AGAP1: variants seen among roughly 807,000 people sequenced by gnomAD.
AGAP1 encodes arf-GAP with GTPase, ANK repeat and PH domain-containing protein 1.
A neutral mutation model predicts 105.3 loss-of-function variants in AGAP1; 29 were observed. The ratio of observed to expected loss-of-function variants is 0.28; its 90% CI spans 0.21 to 0.38. The LOEUF (loss-of-function observed/expected upper bound fraction) is 0.38, where lower values mean the gene tolerates loss of function less well. Among genes scored for constraint, AGAP1 ranks in the 10% least tolerant of loss-of-function variants. AGAP1 has a pLI of 1.00. For synonymous variants in AGAP1, 509 were observed against 485.9 expected (o/e 1.05, Z -0.63); for missense variants, 998 against 1,165.1 (o/e 0.86, Z 2.09).
Position 235,661,473 on chromosome 2 carries a change from G to T in AGAP1, c.164-47706G>T, listed in dbSNP as rs529407644. On this transcript the variant is annotated intron_variant, in intron 1 of 17. Transcript: ENST00000304032. ...GGAGGCCATCCTACTGAGGGGATGG[G>T]GCAGTGATAGTTTCAAGGAATCCTA... Among the ~76,000 whole-genome samples, 13 of 151,526 alleles carry T rather than the reference G, an allele frequency of 8.6e-5. No homozygotes were observed. The South Asian group carries it at 2.5e-3, about 29-fold the overall frequency.
chr2:235,770,848 AT>A (rs774417640), intron 6 of AGAP1, among the ~76,000 whole-genome samples: 7 of 152,124 alleles, frequency 4.6e-5, no homozygotes, highest in Non-Finnish European at 7.4e-5. Context: ...GTCCCAAAAG[AT>A]ACTCAAGTTC....
rs1575669324 is a variant in AGAP1, at chr2:235,875,587, G to A, written c.1051-7758G>A. On this transcript the variant is annotated intron_variant, in intron 9 of 17. Coordinates refer to ENST00000304032, the MANE Select transcript of AGAP1 (RefSeq NM_001037131.3). The surrounding 1 kb of genome is among the most constrained non-coding windows in gnomAD (Gnocchi z 4.0). ...CGTGATTCCCAGCACGTTTCCTGAG[G>A]TTCCGCCTGCAGCCCGGGCCTGTGG... 6.6e-6 allele frequency among the ~76,000 whole-genome samples: 1 copy of A among 152,278 alleles called. No homozygotes were observed. Among genetic ancestry groups the A allele is most frequent in the Admixed American group, 6.5e-5 (1 of 15,296 alleles).
intron 1 of AGAP1, among the ~76,000 whole-genome samples, chr2:235,502,518 T>A (rs980567986): frequency 6.6e-6 from 1 of 152,136 alleles, no homozygotes; most frequent in Non-Finnish European, 1.5e-5. Context: ...GGTGTTTTTG[T>A]TTAACCAGGG....
chr2:235,919,850 C>T lies in AGAP1; in HGVS notation c.1325-10915C>T, dbSNP rs2052087704. ...CCGTCTTCACAATGCTTACACCCCT[C>T]ATCCTCGCTGTTGCATCAGCTTGTC... On this transcript the variant is annotated intron_variant, in intron 11 of 17. Transcript: ENST00000304032. This position sits in a 1 kb window ranked among gnomAD's most constrained non-coding sequence, Gnocchi z 4.1. 6.6e-6 allele frequency among the ~76,000 whole-genome samples: 1 copy of T among 152,218 alleles called. No homozygotes were observed.
intron 1 of AGAP1, among the ~76,000 whole-genome samples, chr2:235,654,674 C>G (rs1947716805): frequency 6.6e-6 from 1 of 152,144 alleles, no homozygotes; most frequent in South Asian, 2.1e-4. Flanking sequence ...GTCCCCCCGG[C>G]CACTTCTAAA....
At chr2:235,810,964 G>T (rs1242345342) in intron 9 of AGAP1, among the ~76,000 whole-genome samples, 1 of 151,696 alleles carries the variant, frequency 6.6e-6, no homozygotes, top group Non-Finnish European at 1.5e-5. Context: ...TTGCTGTGGA[G>T]AGTTGTACAT....
In AGAP1 at chr2:235,951,924, C is replaced by G. The variant is rs549622645; in HGVS notation, c.1484-16538C>G. 6.4e-4 allele frequency among the ~76,000 whole-genome samples: 95 copies of G among 147,308 alleles called. No individual in the cohort carries two copies. Among genetic ancestry groups the G allele is most frequent in the Non-Finnish European group, 1.0e-3 (70 of 68,018 alleles). ...GAAACAAATGGTCCACCCTGATCTA[C>G]TCATTTACCATCTGGTTTGGGGAAC... is the stretch of plus-strand genomic sequence containing the variant. On this transcript the variant is annotated intron_variant, in intron 12 of 17. Transcript: ENST00000304032. This position sits in a 1 kb window ranked among gnomAD's most constrained non-coding sequence, Gnocchi z 4.2.
At chr2:235,770,285 ACC>A (rs61439264) in intron 6 of AGAP1, among the ~76,000 whole-genome samples, 38,396 of 151,586 alleles carry the variant, frequency 0.25, 5,225 homozygotes, top group Admixed American at 0.4. Context: ...GACGCACGCC[ACC>A]CCACGCCTGG....
At chr2:235,969,545 TTC>T (rs2054554286) in intron 13 of AGAP1, among the ~76,000 whole-genome samples, 5 of 152,170 alleles carry the variant, frequency 3.3e-5, no homozygotes, top group African/African-American at 1.2e-4. Flanking sequence ...CTTCCATCCT[TTC>T]TCTTTCTCTA....
At chr2:235,815,145 G>T (rs891098473) in intron 9 of AGAP1, among the ~76,000 whole-genome samples, 2 of 152,160 alleles carry the variant, frequency 1.3e-5, no homozygotes, top group Non-Finnish European at 2.9e-5. Flanking sequence ...GGCTTGGGGA[G>T]ACAGTGGGGC....
rs2051206826 is a variant in AGAP1 at position 235,904,446 on chromosome 2, T to G, written c.1156-4292T>G. Among the ~76,000 whole-genome samples, 2 of 152,286 alleles carry G rather than the reference T, an allele frequency of 1.3e-5. No individual in the cohort carries two copies. The highest frequency in any genetic ancestry group is 3.4e-3 in the Middle Eastern group (1 of 294). ...CTGTTGAGGGGCAGGAGATGGCACC[T>G]CTGGGGGGCCTGGCTCTTGAGTGGG... On this transcript the variant is annotated intron_variant, in intron 10 of 17. Transcript: ENST00000304032. This position sits in a 1 kb window ranked among gnomAD's most constrained non-coding sequence, Gnocchi z 4.2.
chr2:235,710,565 C>A (rs1227545377), intron 2 of AGAP1, among the ~76,000 whole-genome samples: 1 of 152,210 alleles, frequency 6.6e-6, no homozygotes, highest in Admixed American at 6.5e-5. Context: ...GGAGACAAAG[C>A]GTCTCTCAGT....
chr2:235,765,950 C>T (rs774376402), intron 6 of AGAP1, among the ~76,000 whole-genome samples: 1 of 152,176 alleles, frequency 6.6e-6, no homozygotes, highest in Non-Finnish European at 1.5e-5. Context: ...AGAGACCCCA[C>T]CTAGCTCGAC....
rs1410116316 is a variant in AGAP1, at chr2:235,744,953, C to T, written c.538+114C>T. Reference sequence around the variant, plus strand: ...AAGGAAAAATTGCCTACTGAACGCTCACTTTTTTGGGAAAAATTATGGAAC... The same window carrying T: ...AAGGAAAAATTGCCTACTGAACGCTTACTTTTTTGGGAAAAATTATGGAAC... On this transcript the variant is annotated intron_variant, in intron 5 of 17. Transcript: ENST00000304032. The surrounding 1 kb of genome is among the most constrained non-coding windows in gnomAD (Gnocchi z 5.2). 4.7e-6 allele frequency: 6 copies of T among 1,281,786 alleles called. No individual in the cohort carries two copies. The African/African-American group carries it at 9.0e-5, about 19-fold the overall frequency. The allele number at this position is 1,281,786 out of a possible 1,614,324, so 79.4% of individuals were successfully genotyped here. A position where few individuals can be genotyped will look rare whatever the true frequency, so the allele number is the denominator to read the frequency against.
Position 236,129,171 on chromosome 2 carries a change from T to G in AGAP1, c.*5049T>G, listed in dbSNP as rs1483789890. 6.6e-6 allele frequency: 1 copy of G among 152,228 alleles called. No individual in the cohort carries two copies. Among genetic ancestry groups the G allele is most frequent in the East Asian group, 1.9e-4 (1 of 5,176 alleles). The allele number at this position is 152,228 out of a possible 1,614,324, so 9.4% of individuals were successfully genotyped here. A position where few individuals can be genotyped will look rare whatever the true frequency, so the allele number is the denominator to read the frequency against. On this transcript the variant is annotated 3_prime_UTR_variant, in exon 18 of 18. Transcript: ENST00000304032. This position sits in a 1 kb window ranked among gnomAD's most constrained non-coding sequence, Gnocchi z 6.2. ...TTGCGCTTGGATTTCTGAGTGGCTT[T>G]CTTCAGGGAGCCCTTGTGGTCATGT...
intron 10 of AGAP1, among the ~76,000 whole-genome samples, chr2:235,898,715 C>T (rs2050925299): frequency 6.6e-6 from 1 of 152,144 alleles, no homozygotes; most frequent in Admixed American, 6.5e-5. Context: ...TCTCAGTGAA[C>T]CCTCGCAACA....
chr2:235,647,872 C>T (rs1947444101), intron 1 of AGAP1, among the ~76,000 whole-genome samples: 1 of 152,082 alleles, frequency 6.6e-6, no homozygotes, highest in Non-Finnish European at 1.5e-5. Flanking sequence ...CTTCCTTGTC[C>T]TTACTGTAGA....
Position 235,701,273 on chromosome 2 carries a change from C to T in AGAP1, c.164-7906C>T, listed in dbSNP as rs901886904. On this transcript the variant is annotated intron_variant, in intron 1 of 17. Transcript: ENST00000304032. The surrounding 1 kb of genome is among the most constrained non-coding windows in gnomAD (Gnocchi z 4.1). ...CGGCAAACTTTTGCCTTGGGATTTC[C>T]TTAGAGGAGAAGAGAGAGGACCCAG... 4.6e-5 allele frequency among the ~76,000 whole-genome samples: 7 copies of T among 151,970 alleles called. No homozygotes were observed. The highest frequency in any genetic ancestry group is 1.0e-4 in the Non-Finnish European group (7 of 68,020).
rs1460138082 is a variant in AGAP1, at chr2:235,983,129, C to G, written c.1645+14506C>G. Among the ~76,000 whole-genome samples the G allele has an allele frequency of 2.0e-5, 3 of 152,140 alleles. No individual in the cohort carries two copies. Among genetic ancestry groups the G allele is most frequent in the Non-Finnish European group, 4.4e-5 (3 of 68,022 alleles). On this transcript the variant is annotated intron_variant, in intron 13 of 17. Coordinates refer to ENST00000304032, the MANE Select transcript of AGAP1 (RefSeq NM_001037131.3). This position sits in a 1 kb window ranked among gnomAD's most constrained non-coding sequence, Gnocchi z 4.5. ...TGAGCAGGAAGCTGGCCTCAGGGGT[C>G]TCCCAGGATGCTGGGGCTGGTGGAC...
Sources: allele counts gnomAD v4.1 joint callset (sites outside exome capture counted in the v4.1 genomes callset), GRCh38; gene constraint gnomAD v4.1.1; non-coding constraint Gnocchi (gnomAD v3.1); transcripts MANE v1.5; gene names NCBI Gene and HGNC (gene_info 2026-07-23, HGNC 2026-07-21).